H2BC4: variants seen among roughly 807,000 people sequenced by gnomAD.
The protein encoded by H2BC4 is histone H2B type 1-C/E/F/G/I.
A neutral mutation model predicts 6.2 loss-of-function variants in H2BC4; 10 were observed. That is an observed-to-expected ratio of 1.61 (90% CI 0.99 to 2.73). The LOEUF is 2.73. Ranked by LOEUF, H2BC4 falls within the 30% of genes most tolerant of loss-of-function variation. H2BC4 has a pLI of 0.00. For synonymous variants in H2BC4, 146 were observed against 70.7 expected, an observed-to-expected ratio of 2.07 and a Z score of -5.35; for missense variants, 176 against 168.7, an observed-to-expected ratio of 1.04 and a Z score of -0.24.
At chr6:26,117,888 A>G (rs1199363037) in intron 1 of H2BC4, among the ~76,000 whole-genome samples, 1 of 152,252 alleles carries the variant, frequency 6.6e-6, no homozygotes, top group Non-Finnish European at 1.5e-5. Flanking sequence ...GTATAAACCA[A>G]GAATGTTAAA....
chr6:26,122,825 C>T (rs1763520559), downstream of H2BC4, among the ~76,000 whole-genome samples: 1 of 152,132 alleles, frequency 6.6e-6, no homozygotes, highest in South Asian at 2.1e-4. Flanking sequence ...TTGAATAAAC[C>T]AGTTGAATAG....
At chr6:26,118,429 T>C (rs1038314385) in intron 1 of H2BC4, among the ~76,000 whole-genome samples, 2 of 152,196 alleles carry the variant, frequency 1.3e-5, no homozygotes, top group African/African-American at 4.8e-5. Flanking sequence ...TTCTAGTAAA[T>C]ATTCTTATTT....
At chr6:26,116,413 C>T (rs911011005) in intron 1 of H2BC4, among the ~76,000 whole-genome samples, 3 of 152,106 alleles carry the variant, frequency 2.0e-5, no homozygotes, top group African/African-American at 7.2e-5. Context: ...TGAAGTGGGG[C>T]GGGGTACAGT....
chr6:26,117,944 A>AT (rs1763445763), intron 1 of H2BC4, among the ~76,000 whole-genome samples: 1 of 151,858 alleles, frequency 6.6e-6, no homozygotes, highest in East Asian at 1.9e-4. Context: ...GATTCTCTAG[A>AT]AACACTTAAG....
rs939509816 is a variant in H2BC4 at position 26,117,107 on chromosome 6, A to G, written c.*10-1972T>C. ...CCTAGAGAGCTAATTTCATATGTTC[A>G]GGGAAAAAAAGTGTATTTTTTCTCA... On this transcript the variant is annotated intron_variant, in intron 1 of 1. Coordinates refer to the H2BC4 transcript ENST00000314332. Among the ~76,000 whole-genome samples the G allele has an allele frequency of 5.3e-5, 8 of 152,268 alleles. No individual in the cohort carries two copies. The South Asian group carries it at 1.5e-3, about 28-fold the overall frequency.
chr6:26,119,692 G>GT (rs1048960818), downstream of H2BC4, among the ~76,000 whole-genome samples: 4 of 151,734 alleles, frequency 2.6e-5, 1 homozygote, highest in African/African-American at 2.4e-5. Flanking sequence ...TTTTGTTTTT[G>GT]TTTTTTAGAA....
downstream of H2BC4, among the ~76,000 whole-genome samples, chr6:26,114,493 T>C (rs1021305527): frequency 2.0e-5 from 3 of 152,192 alleles, no homozygotes; most frequent in Admixed American, 6.5e-5. Flanking sequence ...TTTGGGATTA[T>C]AAATTGGTAT....
downstream of H2BC4, among the ~76,000 whole-genome samples, chr6:26,123,198 A>G (rs1366514331): frequency 1.3e-5 from 2 of 152,240 alleles, no homozygotes; most frequent in African/African-American, 4.8e-5. Context: ...AGACAGGGAC[A>G]GACAGCTGGG....
chr6:26,118,277 G>A (rs1032530521), intron 1 of H2BC4, among the ~76,000 whole-genome samples: 4 of 152,068 alleles, frequency 2.6e-5, no homozygotes, highest in African/African-American at 9.7e-5. Context: ...TTGTCTCCAA[G>A]AATTTAATTG....
chr6:26,116,941 GAA>G (rs1763428943), intron 1 of H2BC4, among the ~76,000 whole-genome samples: 3 of 152,124 alleles, frequency 2.0e-5, no homozygotes, highest in Admixed American at 2.0e-4. Flanking sequence ...CTAAAGGTAG[GAA>G]AAGTTTCACT....
chr6:26,114,436 A>T (rs548580567), downstream of H2BC4, among the ~76,000 whole-genome samples: 4 of 152,246 alleles, frequency 2.6e-5, no homozygotes, highest in East Asian at 7.7e-4. Context: ...TGATTTTTAA[A>T]ATTTATTGTA....
Position 26,123,468 on chromosome 6 carries a change from G to C in H2BC4, c.*56C>G. The C allele has an allele frequency of 6.2e-7, 1 of 1,608,664 alleles. No individual in the cohort carries two copies. On this transcript the variant is annotated 3_prime_UTR_variant, in exon 1 of 1. Coordinates refer to ENST00000396984, the MANE Select transcript of H2BC4 (RefSeq NM_003526.3). ...GCCACAGCTCTTTTAGTGGGTATCT[G>C]GGTGGCTCTTAAAAGAGCCTTTGGG... is the stretch of plus-strand genomic sequence containing the variant.
Position 26,123,893 on chromosome 6 carries a change from T to C in H2BC4, c.12A>G (p.Pro4=), listed in dbSNP as rs138951019. 88 of 1,613,978 alleles carry C rather than the reference T, an allele frequency of 5.5e-5. No individual in the cohort carries two copies. The African/African-American group carries it at 8.3e-4, about 15-fold the overall frequency. MPE[P]AKSAPAPKKG... is the part of the protein sequence containing the mutation. ...TCTTCGGGGCGGGAGCAGACTTGGC[T>C]GGCTCAGGCATCTTAAAACACCAGA... The change falls in exon 1 of 1, where the codon CCA becomes CCG. Residue 4 remains proline, a synonymous_variant. Transcript: ENST00000396984.
downstream of H2BC4, among the ~76,000 whole-genome samples, chr6:26,122,286 T>C (rs1763509223): frequency 6.6e-6 from 1 of 152,208 alleles, no homozygotes. Flanking sequence ...AACTGTAACC[T>C]AAATTACATG....
intron 1 of H2BC4, among the ~76,000 whole-genome samples, chr6:26,116,219 T>G (rs947254855): frequency 5.3e-5 from 8 of 152,166 alleles, no homozygotes; most frequent in Non-Finnish European, 1.0e-4. Context: ...ATTTCTGCTC[T>G]TTTACCCTTC....
At chr6:26,121,842 C>A (rs1763500484), downstream of H2BC4, among the ~76,000 whole-genome samples, 1 of 151,642 alleles carries the variant, frequency 6.6e-6, no homozygotes, top group South Asian at 2.1e-4. Context: ...CACCTGATGT[C>A]CGGAGTTCGA....
downstream of H2BC4, among the ~76,000 whole-genome samples, chr6:26,121,690 T>C (rs1246914208): frequency 6.6e-6 from 1 of 151,954 alleles, no homozygotes; most frequent in Non-Finnish European, 1.5e-5. Context: ...GATTAGTTAG[T>C]TGGCAGGTAG....
Position 26,118,346 on chromosome 6 carries a change from C to G in H2BC4, c.*10-3211G>C, listed in dbSNP as rs1763451120. On this transcript the variant is annotated intron_variant, in intron 1 of 1. Transcript: ENST00000314332. ...TTTGGTCAAAGATCAGTTTGGTCAA[C>G]TTTAGTTAAACAAGTTCATTTTTCC... Among the ~76,000 whole-genome samples, 2 of 142,136 alleles carry G rather than the reference C, an allele frequency of 1.4e-5. 1 individual carries two copies. The highest frequency in any genetic ancestry group is 4.5e-4 in the South Asian group (2 of 4,398). 93.2% of individuals were successfully genotyped at this position (142,136 alleles called of 152,430 possible).
chr6:26,117,651 G>C (rs1278075172), intron 1 of H2BC4, among the ~76,000 whole-genome samples: 2 of 152,210 alleles, frequency 1.3e-5, no homozygotes, highest in Non-Finnish European at 2.9e-5. Context: ...GCTCAGGGTA[G>C]TTGAGTTTGT....
Sources: allele counts gnomAD v4.1 joint callset (sites outside exome capture counted in the v4.1 genomes callset), GRCh38; gene constraint gnomAD v4.1.1; transcripts MANE v1.5; gene names NCBI Gene and HGNC (gene_info 2026-07-23, HGNC 2026-07-21).